Variants in KICS2 observed in about 807,000 individuals in gnomAD.
KICS2 encodes KICSTOR complex protein C12orf66.
KICS2 carries 13 observed loss-of-function variants against 31.4 expected under a neutral mutation model. The observed-to-expected ratio is 0.41, with a 90% CI of 0.27 to 0.66. The LOEUF (loss-of-function observed/expected upper bound fraction) is 0.66, where lower values mean the gene tolerates loss of function less well. KICS2 is among the 30% of genes least tolerant of loss of function. The pLI, the probability that KICS2 is intolerant of heterozygous loss-of-function variation, is 0.28. For missense variants in KICS2, 455 were observed against 545.4 expected (o/e 0.83, Z 1.65); for synonymous variants, 209 against 214.8 (o/e 0.97, Z 0.24).
At chr12:64,216,659 C>A (rs1055005390) in intron 1 of KICS2, among the ~76,000 whole-genome samples, 4 of 152,172 alleles carry the variant, frequency 2.6e-5, no homozygotes, top group South Asian at 4.2e-4. Context: ...GACCAGGAAC[C>A]AATTATAAAT....
intron 2 of KICS2, among the ~76,000 whole-genome samples, chr12:64,203,205 T>C (rs938157961): frequency 1.3e-5 from 2 of 152,206 alleles, no homozygotes; most frequent in Non-Finnish European, 2.9e-5. Context: ...TGACCAACTA[T>C]GTAAAGATAT....
chr12:64,221,921 G>T (rs1274350391), intron 1 of KICS2, 82 bp downstream of exon 1: 9 of 1,417,854 alleles, frequency 6.3e-6, no homozygotes, highest in Non-Finnish European at 7.6e-6. Flanking sequence ...ACACAGAGAC[G>T]GGAAACCCAA....
At chr12:64,207,081 G>A (rs2037545387) in intron 2 of KICS2, among the ~76,000 whole-genome samples, 1 of 151,956 alleles carries the variant, frequency 6.6e-6, no homozygotes, top group Non-Finnish European at 1.5e-5. Flanking sequence ...GAGATGGGTG[G>A]GACCCTTGAG....
intron 2 of KICS2, among the ~76,000 whole-genome samples, chr12:64,199,345 C>A (rs1332805474): frequency 1.3e-5 from 1 of 74,554 alleles, no homozygotes; most frequent in African/African-American, 5.0e-5. Flanking sequence ...GAGGCAAAGA[C>A]AAAAACCACA....
In KICS2 at chr12:64,192,110, G is replaced by A. The variant is rs1165203462; in HGVS notation, c.*1732C>T. On this transcript the variant is annotated 3_prime_UTR_variant, in exon 3 of 3. Coordinates refer to ENST00000398055, the MANE Select transcript of KICS2 (RefSeq NM_152440.5). ...CCAGAAAATAAAAAATAGGCCAGTAGATTCTTGGTTCTTCTTCTTCTTTTT... is the reference window on the plus strand; with the variant it reads ...CCAGAAAATAAAAAATAGGCCAGTAAATTCTTGGTTCTTCTTCTTCTTTTT... 2.0e-5 allele frequency: 3 copies of A among 147,510 alleles called. No individual in the cohort carries two copies. Among genetic ancestry groups the A allele is most frequent in the Non-Finnish European group, 4.5e-5 (3 of 67,152 alleles). 9.1% of individuals were successfully genotyped at this position (147,510 alleles called of 1,614,324 possible).
chr12:64,214,602 G>C (rs1489390673), intron 2 of KICS2, among the ~76,000 whole-genome samples: 1 of 152,150 alleles, frequency 6.6e-6, no homozygotes, highest in Non-Finnish European at 1.5e-5. Context: ...CAACTCGGCT[G>C]GGCATGGTGG....
intron 1 of KICS2, among the ~76,000 whole-genome samples, 185 bp from the exon 2 acceptor site, chr12:64,216,148 T>C (rs1470862706): frequency 6.6e-6 from 1 of 150,926 alleles, no homozygotes; most frequent in East Asian, 1.9e-4. Flanking sequence ...TTTATGATTA[T>C]CATAAATACT....
At position 64,215,773 on chromosome 12, in the gene KICS2, G is replaced by A. The variant is rs761401905; in HGVS notation, c.426C>T (p.Phe142=). 18 of 1,614,082 alleles carry A rather than the reference G, an allele frequency of 1.1e-5. No individual in the cohort carries two copies. Among genetic ancestry groups the A allele is most frequent in the Middle Eastern group, 3.3e-4 (2 of 6,052 alleles). The change falls in exon 2 of 3, where the codon TTC becomes TTT. Residue 142 remains phenylalanine, a synonymous_variant. Transcript: ENST00000398055. ...TGCTGAGGGTGTACATCTTCTCATAGAAGTCTGCTATCTCCATCCGAGCCT... is the reference window on the plus strand; with the variant it reads ...TGCTGAGGGTGTACATCTTCTCATAAAAGTCTGCTATCTCCATCCGAGCCT... ...FVQARMEIAD[F]YEKMYTLSTQ...
intron 1 of KICS2, among the ~76,000 whole-genome samples, chr12:64,218,438 AC>A (rs765032318): frequency 7.9e-5 from 12 of 152,220 alleles, no homozygotes; most frequent in Non-Finnish European, 1.6e-4. Flanking sequence ...GCTAAAAAAA[AC>A]AAATGAAATA....
intron 2 of KICS2, among the ~76,000 whole-genome samples, chr12:64,199,588 G>C (rs1267367909): frequency 1.5e-4 from 22 of 148,972 alleles, no homozygotes; most frequent in South Asian, 1.1e-3. Flanking sequence ...ACATAGTGTT[G>C]GAAGTTCTGG....
Position 64,192,542 on chromosome 12 carries a change from A to C in KICS2, c.*1300T>G, listed in dbSNP as rs925975412. Reference sequence around the variant, plus strand: ...GGCATACCTGCTGTGGACACCCAGTAAAACAGTGGCTCCACACAATCATGG... The same window carrying C: ...GGCATACCTGCTGTGGACACCCAGTCAAACAGTGGCTCCACACAATCATGG... On this transcript the variant is annotated 3_prime_UTR_variant, in exon 3 of 3. Transcript: ENST00000398055. 3 of 925,844 alleles carry C rather than the reference A, an allele frequency of 3.2e-6. No homozygotes were observed. Among genetic ancestry groups the C allele is most frequent in the Admixed American group, 1.2e-4 (2 of 16,176 alleles). The allele number at this position is 925,844 out of a possible 1,614,324, so 57.4% of individuals were successfully genotyped here. A position where few individuals can be genotyped will look rare whatever the true frequency, so the allele number is the denominator to read the frequency against.
intron 1 of KICS2, among the ~76,000 whole-genome samples, chr12:64,220,935 G>A (rs1329437054): frequency 2.0e-5 from 3 of 152,110 alleles, no homozygotes; most frequent in African/African-American, 7.2e-5. Flanking sequence ...GAAACTATCT[G>A]ACCAGTTTTT....
downstream of KICS2, among the ~76,000 whole-genome samples, chr12:64,190,209 G>A (rs996518423): frequency 6.6e-6 from 1 of 152,042 alleles, no homozygotes; most frequent in African/African-American, 2.4e-5. Flanking sequence ...GGAAAGAGTG[G>A]TCCATCTTTT....
downstream of KICS2, among the ~76,000 whole-genome samples, chr12:64,188,113 T>C (rs2037352859): frequency 6.6e-6 from 1 of 152,196 alleles, no homozygotes; most frequent in South Asian, 2.1e-4. Flanking sequence ...ATGAATACTT[T>C]CAGATGCTGT....
intron 1 of KICS2, among the ~76,000 whole-genome samples, chr12:64,220,146 C>T (rs1387849961): frequency 6.6e-6 from 1 of 152,152 alleles, no homozygotes; most frequent in Non-Finnish European, 1.5e-5. Flanking sequence ...GAGGAGCCCA[C>T]CTAGGAACGT....
intron 2 of KICS2, among the ~76,000 whole-genome samples, chr12:64,213,869 A>G (rs1468563182): frequency 6.6e-6 from 1 of 152,138 alleles, no homozygotes; most frequent in East Asian, 1.9e-4. Flanking sequence ...AGAGGGGCAA[A>G]ACCTAAGTAT....
intron 2 of KICS2, among the ~76,000 whole-genome samples, chr12:64,196,051 A>C (rs1285290337): frequency 3.4e-4 from 52 of 152,398 alleles, no homozygotes; most frequent in South Asian, 3.1e-3. Context: ...CCCAGGCTTG[A>C]TTAGGTAAAC....
chr12:64,208,627 CTAAA>C (rs1281546224), intron 2 of KICS2, among the ~76,000 whole-genome samples: 4 of 152,100 alleles, frequency 2.6e-5, no homozygotes, highest in African/African-American at 7.2e-5. Context: ...GGCATAAGGG[CTAAA>C]TAAATTGTAG....
intron 1 of KICS2, among the ~76,000 whole-genome samples, chr12:64,217,938 AAG>A (rs1223428126): frequency 1.3e-5 from 2 of 152,016 alleles, no homozygotes; most frequent in Non-Finnish European, 2.9e-5. Flanking sequence ...GGAAGAAAGA[AAG>A]AGAAAGAAAG....
Sources: gnomAD v4.1 joint callset for allele counts (sites outside exome capture counted in the v4.1 genomes callset) on GRCh38, gnomAD v4.1.1 for gene constraint, MANE v1.5 for transcripts, NCBI Gene and HGNC (gene_info 2026-07-23, HGNC 2026-07-21) for gene names.